The following AFTPH variants were observed in gnomAD, a reference collection of about 807,000 sequenced individuals.
AFTPH encodes the protein aftiphilin protein.
AFTPH carries 7 observed loss-of-function variants against 72.5 expected under a neutral mutation model. The ratio of observed to expected loss-of-function variants is 0.10; its 90% CI spans 0.05 to 0.18. The LOEUF is 0.18. AFTPH is among the 10% of genes least tolerant of loss of function. AFTPH has a pLI of 1.00. For synonymous variants in AFTPH, 337 were observed against 370.1 expected, an observed-to-expected ratio of 0.91 and a Z score of 1.03; for missense variants, 979 against 1,060.5, an observed-to-expected ratio of 0.92 and a Z score of 1.07.
intron 1 of AFTPH, among the ~76,000 whole-genome samples, chr2:64,533,379 A>G (rs1166372029): frequency 6.6e-6 from 1 of 152,222 alleles, no homozygotes; most frequent in Non-Finnish European, 1.5e-5. Context: ...AGCCTGTTCA[A>G]CAGAGTGAGT....
chr2:64,585,613 A>C, intron 8 of AFTPH, 68 bp downstream of exon 9: 1 of 1,518,192 alleles, frequency 6.6e-7, no homozygotes, highest in Non-Finnish European at 8.8e-7. Flanking sequence ...AGGAAAAAGC[A>C]TGTCAGTTGA....
At chr2:64,579,206 T>A (rs182824444) in intron 6 of AFTPH, among the ~76,000 whole-genome samples, 1 of 152,324 alleles carries the variant, frequency 6.6e-6, no homozygotes, top group East Asian at 1.9e-4. Context: ...GATTGAAATC[T>A]TGACATAGAA....
At chr2:64,524,343 A>G in exon 1 of AFTPH, 1 of 399,500 alleles carries the variant, frequency 2.5e-6, no homozygotes, top group Non-Finnish European at 4.4e-6. Context: ...ATGATGGGAG[A>G]GTGTGTGGAG....
intron 2 of AFTPH, among the ~76,000 whole-genome samples, chr2:64,563,752 C>T (rs901731832): frequency 5.3e-5 from 8 of 152,224 alleles, no homozygotes; most frequent in Admixed American, 1.3e-4. Context: ...ATTACAGGCA[C>T]CAGCCACCAC....
Position 64,567,728 on chromosome 2 carries a change from G to GTT in AFTPH, c.2087+19_2087+20dup. 1 of 1,589,074 alleles carries GTT rather than the reference G, an allele frequency of 6.3e-7. No homozygotes were observed. ...CCTGAAAGTGGGTAAGTAGGAGACTGTTTTTAGATAGCATGTGTTTTTGTT... is the reference window on the plus strand; with the variant it reads ...CCTGAAAGTGGGTAAGTAGGAGACTGTTTTTTTAGATAGCATGTGTTTTTGTT... On this transcript the variant is annotated intron_variant, in intron 3 of 8. Coordinates refer to ENST00000238856, the Ensembl canonical transcript of AFTPH.
Position 64,574,329 on chromosome 2 carries a change from T to C in AFTPH, c.2394+1261T>C, listed in dbSNP as rs556786817. On this transcript the variant is annotated intron_variant, in intron 6 of 8. Transcript: ENST00000238856. ...CCCCAGAGGTGGTCCACTGAAGGGTTCCAGGGTAAAGTAAGTTTGGGAAAT... is the reference window on the plus strand; with the variant it reads ...CCCCAGAGGTGGTCCACTGAAGGGTCCCAGGGTAAAGTAAGTTTGGGAAAT... Among the ~76,000 whole-genome samples, 4 of 152,296 alleles carry C rather than the reference T, an allele frequency of 2.6e-5. No individual in the cohort carries two copies. The East Asian group carries it at 7.7e-4, about 29-fold the overall frequency.
intron 1 of AFTPH, among the ~76,000 whole-genome samples, chr2:64,542,044 TG>T (rs1670285547): frequency 6.6e-6 from 1 of 152,220 alleles, no homozygotes; most frequent in Admixed American, 6.5e-5. Flanking sequence ...AGAGTGAAGC[TG>T]GGTTGTATAA....
chr2:64,535,921 G>GA (rs958053747), intron 1 of AFTPH, among the ~76,000 whole-genome samples: 12 of 152,348 alleles, frequency 7.9e-5, no homozygotes, highest in African/African-American at 2.4e-4. Context: ...ATGAGGCCCT[G>GA]ACAAGGTATA....
At chr2:64,553,325 C>T (rs776192124) in exon 2 of AFTPH, 4 of 1,613,916 alleles carry the variant, frequency 2.5e-6, no homozygotes, top group African/African-American at 1.3e-5. Context: ...CTCCAGGAAC[C>T]CCCAAAACGC....
chr2:64,556,074 G>A (rs755594222), intron 2 of AFTPH, among the ~76,000 whole-genome samples: 21 of 148,476 alleles, frequency 1.4e-4, no homozygotes, highest in Non-Finnish European at 2.2e-4. Context: ...TGCAGCCTCC[G>A]CCTCCCGGGT....
intron 6 of AFTPH, among the ~76,000 whole-genome samples, chr2:64,577,616 C>A (rs1222476091): frequency 2.0e-5 from 3 of 152,180 alleles, no homozygotes; most frequent in Non-Finnish European, 4.4e-5. Context: ...TGTCACTGAT[C>A]TAGAAGTGGA....
At chr2:64,553,466 A>G in intron 2 of AFTPH, 57 bp downstream of exon 2, 9 of 1,487,054 alleles carry the variant, frequency 6.1e-6, no homozygotes, top group Non-Finnish European at 8.0e-6. Flanking sequence ...GAGGCTTCTA[A>G]TTTCAGCTTT....
chr2:64,554,028 G>T (rs1486294733), intron 2 of AFTPH, among the ~76,000 whole-genome samples: 4 of 152,060 alleles, frequency 2.6e-5, no homozygotes, highest in African/African-American at 9.7e-5. Context: ...CTTGGGGTGA[G>T]GGTATGAGAT....
At chr2:64,567,747 T>C (rs551351056) in intron 3 of AFTPH, 34 bp downstream of exon 3, 1 of 1,580,346 alleles carries the variant, frequency 6.3e-7, no homozygotes, top group Admixed American at 1.9e-5. Context: ...TAGCATGTGT[T>C]TTTGTTATTT....
At chr2:64,590,371 G>T (rs1055552083) in intron 8 of AFTPH, among the ~76,000 whole-genome samples, 1 of 151,996 alleles carries the variant, frequency 6.6e-6, no homozygotes. Flanking sequence ...CTGAATTCAG[G>T]GTAAATATTT....
intron 1 of AFTPH, 100 bp downstream of exon 1, chr2:64,524,712 C>T: frequency 5.2e-6 from 2 of 383,604 alleles, no homozygotes; most frequent in East Asian, 3.7e-5. Context: ...CCGGGAGCAT[C>T]TGCCCGCCGC....
At chr2:64,542,083 G>A (rs1057245406) in intron 1 of AFTPH, among the ~76,000 whole-genome samples, 8 of 152,176 alleles carry the variant, frequency 5.3e-5, no homozygotes, top group Non-Finnish European at 8.8e-5. Flanking sequence ...GTCCTTGAAA[G>A]ATGATGTACA....
At chr2:64,585,524 A>G in exon 8 of AFTPH, 1 of 1,611,800 alleles carries the variant, frequency 6.2e-7, no homozygotes, top group Non-Finnish European at 8.5e-7. Context: ...TCTACAGTAG[A>G]GAAGACAAGC....
intron 6 of AFTPH, among the ~76,000 whole-genome samples, chr2:64,576,462 T>G (rs1321955641): frequency 6.6e-6 from 1 of 152,154 alleles, no homozygotes; most frequent in Admixed American, 6.5e-5. Flanking sequence ...GTTTAGAAAT[T>G]TATTAACTTA....
Sources: gnomAD v4.1 joint callset for allele counts (sites outside exome capture counted in the v4.1 genomes callset) on GRCh38, gnomAD v4.1.1 for gene constraint, MANE v1.5 for transcripts, NCBI Gene and HGNC (gene_info 2026-07-23, HGNC 2026-07-21) for gene names.